C12orf42: variants seen among roughly 807,000 people sequenced by gnomAD.
C12orf42 encodes the protein chromosome 12 open reading frame 42.
In C12orf42, 25 loss-of-function variants were observed where a neutral mutation model predicts 21.6. That is an observed-to-expected ratio of 1.16 (90% confidence interval 0.84 to 1.62). The LOEUF (loss-of-function observed/expected upper bound fraction) is 1.62, where lower values mean the gene tolerates loss of function less well. Ranked by LOEUF, C12orf42 falls within the 40% of genes most tolerant of loss-of-function variation. The pLI is 0.00. For synonymous variants in C12orf42, 174 were observed against 175.0 expected (o/e 0.99, Z 0.05); for missense variants, 483 against 459.3 (o/e 1.05, Z -0.47).
chr12:103,153,604 C>A, the C12orf42 span, among the ~76,000 whole-genome samples: 1 of 151,942 alleles, frequency 6.6e-6, no homozygotes, highest in African/African-American at 2.4e-5. Context: ...TCAGGGATAT[C>A]CAAGTTAAAA....
chr12:103,213,988 A>G, the C12orf42 span, among the ~76,000 whole-genome samples: 2 of 152,254 alleles, frequency 1.3e-5, no homozygotes, highest in African/African-American at 4.8e-5. Context: ...CAATGATCAG[A>G]TGAAAGGACA....
chr12:103,119,880 A>C, the C12orf42 span, among the ~76,000 whole-genome samples: 2 of 152,200 alleles, frequency 1.3e-5, no homozygotes, highest in Non-Finnish European at 2.9e-5. Flanking sequence ...TTTCAATCCA[A>C]GCTTGGCCTT....
chr12:103,476,307 G>T (rs1318498535), intron 2 of C12orf42, among the ~76,000 whole-genome samples: 1 of 152,172 alleles, frequency 6.6e-6, no homozygotes, highest in African/African-American at 2.4e-5. Context: ...CAGGACATCT[G>T]ACTCCTGTCC....
At chr12:103,096,605 A>G in the C12orf42 span, among the ~76,000 whole-genome samples, 4 of 152,200 alleles carry the variant, frequency 2.6e-5, no homozygotes, top group African/African-American at 9.6e-5. Flanking sequence ...AAAAGTTCTG[A>G]TTGGCAATTC....
the C12orf42 span, among the ~76,000 whole-genome samples, chr12:103,212,214 T>C: frequency 6.6e-6 from 1 of 152,210 alleles, no homozygotes. Context: ...AATATAATTA[T>C]TCTTTAATAT....
At chr12:103,215,366 G>T in the C12orf42 span, among the ~76,000 whole-genome samples, 2 of 151,850 alleles carry the variant, frequency 1.3e-5, no homozygotes, top group African/African-American at 4.8e-5. Flanking sequence ...ATCTGATAAT[G>T]ACACTGGTGC....
intron 3 of C12orf42, among the ~76,000 whole-genome samples, chr12:103,400,253 G>A (rs1018828588): frequency 2.0e-5 from 3 of 152,114 alleles, no homozygotes; most frequent in African/African-American, 7.2e-5. Context: ...GGCACCCAGG[G>A]GGCACTGGTC....
the C12orf42 span, among the ~76,000 whole-genome samples, chr12:103,185,455 A>G: frequency 5.3e-5 from 8 of 151,888 alleles, no homozygotes; most frequent in East Asian, 1.2e-3. Flanking sequence ...TCTACTACAG[A>G]CCCTTCCTTC....
the C12orf42 span, among the ~76,000 whole-genome samples, chr12:103,189,187 C>T: frequency 6.6e-6 from 1 of 152,158 alleles, no homozygotes; most frequent in Non-Finnish European, 1.5e-5. Flanking sequence ...TCAGGTAGAC[C>T]ACTGATTTGG....
At chr12:103,478,548 A>C in intron 1 of C12orf42, 101 bp from the exon 2 acceptor site, 3 of 507,294 alleles carry the variant, frequency 5.9e-6, no homozygotes, top group Middle Eastern at 4.3e-4. Context: ...CATCCTATCC[A>C]TGAACATAGT....
the C12orf42 span, among the ~76,000 whole-genome samples, chr12:103,545,138 G>A: frequency 2.0e-5 from 3 of 152,082 alleles, no homozygotes; most frequent in African/African-American, 7.2e-5. Context: ...GTACATCTTA[G>A]GATTTTTTAA....
At chr12:103,240,046 T>C (rs1305155439) in intron 10 of C12orf42, among the ~76,000 whole-genome samples, 1 of 152,230 alleles carries the variant, frequency 6.6e-6, no homozygotes, top group African/African-American at 2.4e-5. Flanking sequence ...ATTGGAATTC[T>C]TCATATTCAG....
Position 103,287,646 on chromosome 12 carries a change from G to T in C12orf42, n.338-10436C>A, listed in dbSNP as rs79527658. Among the ~76,000 whole-genome samples, 1,738 of 151,284 alleles carry T rather than the reference G, an allele frequency of 0.011. 98 individuals carry two copies. In the East Asian group the frequency reaches 0.19, roughly 17 times the overall value. ...AGTGCAGCACACCAACATGGCACATGTATACATATATAACAAAACTGCACG... is the reference window on the plus strand; with the variant it reads ...AGTGCAGCACACCAACATGGCACATTTATACATATATAACAAAACTGCACG... On this transcript the variant is annotated intron_variant and non_coding_transcript_variant, in intron 4 of 6. Transcript: ENST00000546526.
At chr12:103,454,938 T>C (rs1326171608) in intron 2 of C12orf42, among the ~76,000 whole-genome samples, 1 of 152,184 alleles carries the variant, frequency 6.6e-6, no homozygotes, top group Non-Finnish European at 1.5e-5. Context: ...CTTCACCTTT[T>C]AGTTATTCAC....
At chr12:103,124,154 G>GTTT in the C12orf42 span, among the ~76,000 whole-genome samples, 1 of 94,312 alleles carries the variant, frequency 1.1e-5, no homozygotes, top group African/African-American at 4.1e-5. Flanking sequence ...CCAAACATAA[G>GTTT]CTTTTTTTTT....
chr12:103,287,270 C>A (rs560042544), intron 4 of C12orf42, among the ~76,000 whole-genome samples: 39 of 152,276 alleles, frequency 2.6e-4, no homozygotes, highest in South Asian at 1.0e-3. Flanking sequence ...TTTACTGCAG[C>A]ACTATTCACA....
At chr12:103,560,169 T>A in the C12orf42 span, among the ~76,000 whole-genome samples, 28 of 152,218 alleles carry the variant, frequency 1.8e-4, no homozygotes, top group African/African-American at 6.5e-4. Context: ...CCCCATTTTA[T>A]AGATGGGAAA....
the C12orf42 span, among the ~76,000 whole-genome samples, chr12:103,507,290 TA>T: frequency 1.1e-5 from 1 of 92,058 alleles, no homozygotes; most frequent in African/African-American, 4.7e-5. Context: ...TATTTTTTTT[TA>T]ACTGCGTTAT....
At chr12:103,118,548 C>T in the C12orf42 span, among the ~76,000 whole-genome samples, 1 of 152,016 alleles carries the variant, frequency 6.6e-6, no homozygotes, top group Non-Finnish European at 1.5e-5. Flanking sequence ...CCTGTAATCC[C>T]AGCACTTTGG....
Sources: allele counts gnomAD v4.1 joint callset (sites outside exome capture counted in the v4.1 genomes callset), GRCh38; gene constraint gnomAD v4.1.1; transcripts MANE v1.5; gene names NCBI Gene and HGNC (gene_info 2026-07-23, HGNC 2026-07-21).